The following TLK2 variants were observed in gnomAD, a reference collection of about 807,000 sequenced individuals.
TLK2 encodes serine/threonine-protein kinase tousled-like 2.
A neutral mutation model predicts 117.3 loss-of-function variants in TLK2; 6 were observed. The ratio of observed to expected loss-of-function variants is 0.05; its 90% CI spans 0.03 to 0.10. The LOEUF is 0.10. Ranked by LOEUF, TLK2 falls within the 10% of genes least tolerant of loss-of-function variation. TLK2 has a pLI of 1.00. For missense variants in TLK2, 299 were observed against 901.2 expected (o/e 0.33, Z 8.56); for synonymous variants, 257 against 316.7 (o/e 0.81, Z 2.00).
At chr17:62,598,040 A>G (rs927703383) in intron 17 of TLK2, among the ~76,000 whole-genome samples, 4 of 152,240 alleles carry the variant, frequency 2.6e-5, no homozygotes, top group Non-Finnish European at 5.9e-5. Flanking sequence ...AAAGAGGACT[A>G]TAATTCCCTT....
chr17:62,528,539 C>T (rs2076529237), intron 6 of TLK2, among the ~76,000 whole-genome samples: 1 of 152,128 alleles, frequency 6.6e-6, no homozygotes, highest in Non-Finnish European at 1.5e-5. Context: ...GCCTCAGCCT[C>T]CCGAGTAGCT....
At chr17:62,511,150 GT>G (rs1374985278) in intron 2 of TLK2, among the ~76,000 whole-genome samples, 1 of 152,092 alleles carries the variant, frequency 6.6e-6, no homozygotes, top group Non-Finnish European at 1.5e-5. Flanking sequence ...AATCATTTGT[GT>G]GTGTGTATTA....
Position 62,594,136 on chromosome 17 carries a change from C to T in TLK2, c.1461-2449C>T, listed in dbSNP as rs1268155001. 2.0e-5 allele frequency among the ~76,000 whole-genome samples: 3 copies of T among 151,364 alleles called. No homozygotes were observed. The South Asian group carries it at 6.4e-4, about 32-fold the overall frequency. ...AAAAAGTACAGTGCAGGCCAGGTGC[C>T]GTGGCTCATGCCTGTAATCCCAGCA... On this transcript the variant is annotated intron_variant, in intron 16 of 21. Transcript: ENST00000346027.
intron 9 of TLK2, among the ~76,000 whole-genome samples, chr17:62,557,542 T>C (rs1449802816): frequency 1.3e-5 from 2 of 152,208 alleles, no homozygotes; most frequent in African/African-American, 4.8e-5. Flanking sequence ...CTGTGTTGTA[T>C]TTTTCATTGT....
At chr17:62,535,343 T>G (rs768839914) in intron 6 of TLK2, among the ~76,000 whole-genome samples, 2 of 152,234 alleles carry the variant, frequency 1.3e-5, no homozygotes, top group Non-Finnish European at 2.9e-5. Context: ...GAGTGAGTTA[T>G]GCGTAATTGT....
At chr17:62,516,835 A>ATG in intron 2 of TLK2, 1 of 999,152 alleles carries the variant, frequency 1.0e-6, no homozygotes, top group Non-Finnish European at 1.5e-6. Context: ...TAGGTCTTTG[A>ATG]TGTGTTTTGA....
At chr17:62,548,312 C>T (rs1356397613) in intron 7 of TLK2, among the ~76,000 whole-genome samples, 1 of 148,046 alleles carries the variant, frequency 6.8e-6, no homozygotes, top group Non-Finnish European at 1.5e-5. Flanking sequence ...GCTGGAGTCT[C>T]ACTCTGTCAC....
At chr17:62,474,982 G>A (rs2071010188), upstream of TLK2, among the ~76,000 whole-genome samples, 1 of 152,188 alleles carries the variant, frequency 6.6e-6, no homozygotes, top group Non-Finnish European at 1.5e-5. Context: ...TATGGCGGAG[G>A]TTGCAGTGAG....
chr17:62,475,467 C>T (rs1451273036), upstream of TLK2, among the ~76,000 whole-genome samples: 11 of 152,042 alleles, frequency 7.2e-5, no homozygotes, highest in Admixed American at 6.6e-4. Flanking sequence ...CTCAGTCTCC[C>T]GACTAGCTGG....
chr17:62,481,529 G>A (rs1465863617), intron 2 of TLK2, among the ~76,000 whole-genome samples: 2 of 152,198 alleles, frequency 1.3e-5, no homozygotes, highest in Non-Finnish European at 1.5e-5. Context: ...CAGCCATTCA[G>A]AAAGAAAATT....
At position 62,602,183 on chromosome 17, in the gene TLK2, A is replaced by C; in HGVS notation, c.1859+3A>C. On this transcript the variant is annotated splice_donor_region_variant and intron_variant, in intron 19 of 21. Transcript: ENST00000346027. Reference sequence around the variant, plus strand: ...TCACAAGGTGCTGGTACTTATTGGTAGGTATCCAGGAGCTCTGCCAGGTTG... The same window carrying C: ...TCACAAGGTGCTGGTACTTATTGGTCGGTATCCAGGAGCTCTGCCAGGTTG... 6.2e-7 allele frequency: 1 copy of C among 1,612,664 alleles called. No homozygotes were observed. Among genetic ancestry groups the C allele is most frequent in the Non-Finnish European group, 8.5e-7 (1 of 1,179,386 alleles).
intron 6 of TLK2, among the ~76,000 whole-genome samples, chr17:62,528,883 A>G (rs2076555638): frequency 6.6e-6 from 1 of 152,202 alleles, no homozygotes; most frequent in Admixed American, 6.5e-5. Flanking sequence ...AGGAAGGTAG[A>G]CTATTTCCAG....
Position 62,521,825 on chromosome 17 carries a change from T to G in TLK2, c.154-379T>G, listed in dbSNP as rs185305429. On this transcript the variant is annotated intron_variant, in intron 3 of 21. Transcript: ENST00000346027. The stretch of plus-strand genomic sequence containing the variant: ...ACCTACTTTGTACTTTGCAGATCTC[T>G]CCTTTTTGGAAAAAAGATTGGATTT... Among the ~76,000 whole-genome samples, 6 of 152,232 alleles carry G rather than the reference T, an allele frequency of 3.9e-5. 1 individual carries two copies. The highest frequency in any genetic ancestry group is 3.9e-4 in the Admixed American group (6 of 15,284).
intron 6 of TLK2, among the ~76,000 whole-genome samples, chr17:62,527,087 C>T (rs1268748413): frequency 2.6e-5 from 4 of 152,176 alleles, no homozygotes; most frequent in Admixed American, 6.5e-5. Context: ...CTGTGAAAAA[C>T]GCTTTTGCTA....
chr17:62,475,126 G>C (rs777728461), upstream of TLK2, among the ~76,000 whole-genome samples: 1 of 152,094 alleles, frequency 6.6e-6, no homozygotes, highest in South Asian at 2.1e-4. Flanking sequence ...AAGAAGAGAG[G>C]AAATAACTGG....
intron 7 of TLK2, 25 bp downstream of exon 7, chr17:62,536,362 C>T: frequency 2.5e-6 from 4 of 1,594,672 alleles, no homozygotes; most frequent in Non-Finnish European, 3.4e-6. Context: ...TAAGTTAATT[C>T]ATATCCTTTC....
chr17:62,560,144 G>A lies in TLK2; in HGVS notation c.831+18G>A. On this transcript the variant is annotated intron_variant, in intron 10 of 21. Coordinates refer to ENST00000346027, the MANE Select transcript of TLK2 (RefSeq NM_006852.6). ...TAGAAAAGGTTAGTGAATAATGTTGGTCTAAACTCTGTATCCCAAGATACT... is the reference window on the plus strand; with the variant it reads ...TAGAAAAGGTTAGTGAATAATGTTGATCTAAACTCTGTATCCCAAGATACT... The A allele has an allele frequency of 6.4e-7, 1 of 1,559,268 alleles. No homozygotes were observed. Among genetic ancestry groups the A allele is most frequent in the Non-Finnish European group, 8.8e-7 (1 of 1,141,886 alleles).
chr17:62,588,502 T>C (rs1437342346), intron 16 of TLK2, among the ~76,000 whole-genome samples: 1 of 152,192 alleles, frequency 6.6e-6, no homozygotes, highest in African/African-American at 2.4e-5. Context: ...CTGGCATTGG[T>C]GCCTTTCTAC....
intron 2 of TLK2, among the ~76,000 whole-genome samples, chr17:62,499,519 A>G (rs1290312170): frequency 6.6e-6 from 1 of 151,834 alleles, no homozygotes; most frequent in Non-Finnish European, 1.5e-5. Context: ...ATTGTTACAT[A>G]CTCTGGACCA....
Sources: gnomAD v4.1 joint callset for allele counts (sites outside exome capture counted in the v4.1 genomes callset) on GRCh38, gnomAD v4.1.1 for gene constraint, MANE v1.5 for transcripts, NCBI Gene and HGNC (gene_info 2026-07-23, HGNC 2026-07-21) for gene names.